VPS13C: variants seen among roughly 807,000 people sequenced by gnomAD.
The protein encoded by VPS13C is vacuolar protein sorting 13 homolog C.
In VPS13C, 358 loss-of-function variants were observed where a neutral mutation model predicts 456.8. The observed-to-expected ratio is 0.78, with a 90% confidence interval of 0.72 to 0.86. The LOEUF (loss-of-function observed/expected upper bound fraction) is 0.86. Ranked by LOEUF, VPS13C falls within the 40% of genes least tolerant of loss-of-function variation. The pLI, the probability that VPS13C is intolerant of heterozygous loss-of-function variation, is 0.00. For synonymous variants in VPS13C, 1,578 were observed against 1,486.7 expected (o/e 1.06, Z -1.41); for missense variants, 4,818 against 4,385.4 (o/e 1.10, Z -2.79).
At chr15:61,905,171 C>T (rs1213508920) in intron 66 of VPS13C, among the ~76,000 whole-genome samples, 2 of 152,068 alleles carry the variant, frequency 1.3e-5, no homozygotes, top group African/African-American at 2.4e-5. Flanking sequence ...TCAGGTGATA[C>T]GCCAATTACT....
chr15:61,861,110 C>T lies in VPS13C; in HGVS notation c.10952+2330G>A, dbSNP rs8030588. Among the ~76,000 whole-genome samples, 888 of 151,728 alleles carry T rather than the reference C, an allele frequency of 5.9e-3. 7 individuals carry two copies. Among genetic ancestry groups the T allele is most frequent in the African/African-American group, 0.02 (847 of 41,404 alleles). On this transcript the variant is annotated intron_variant, in intron 82 of 84. Transcript: ENST00000644861. ...CCGAATAGCTGGGATTACAGGCATG[C>T]GCCACAAAGTCCAGCTAATTTTTTG...
chr15:62,059,300 G>C (rs1470392454), intron 1 of VPS13C, among the ~76,000 whole-genome samples: 1 of 152,090 alleles, frequency 6.6e-6, no homozygotes, highest in African/African-American at 2.4e-5. Flanking sequence ...TAGTGGACAG[G>C]GGAAGTCTAT....
In VPS13C at chr15:62,051,390, T is replaced by C. The variant is rs563185434; in HGVS notation, c.101-7135A>G. On this transcript the variant is annotated intron_variant, in intron 1 of 84. Coordinates refer to ENST00000644861, the MANE Select transcript of VPS13C (RefSeq NM_020821.3). ...CACAGCCTCCTGGGCAAGAAACAGG[T>C]TGTATACATTAAGCAATAGAAGCTG... Among the ~76,000 whole-genome samples, 5 of 152,262 alleles carry C rather than the reference T, an allele frequency of 3.3e-5. No homozygotes were observed. In the East Asian group the frequency reaches 9.6e-4, roughly 29 times the overall value.
chr15:62,018,989 T>C (rs2047360247), intron 9 of VPS13C, among the ~76,000 whole-genome samples: 2 of 152,192 alleles, frequency 1.3e-5, no homozygotes, highest in Non-Finnish European at 2.9e-5. Context: ...TATTCAGAGA[T>C]TCAACTTCTT....
intron 8 of VPS13C, among the ~76,000 whole-genome samples, chr15:62,020,811 C>A (rs1234707006): frequency 1.3e-5 from 2 of 151,966 alleles, no homozygotes; most frequent in Non-Finnish European, 1.5e-5. Context: ...CAAGACTTCT[C>A]TCTAGACAGT....
chr15:61,992,569 G>A (rs2046256931), intron 16 of VPS13C, among the ~76,000 whole-genome samples: 1 of 152,140 alleles, frequency 6.6e-6, no homozygotes, highest in Non-Finnish European at 1.5e-5. Context: ...AAAGTAAAGA[G>A]TTGAATTCTA....
Position 61,929,640 on chromosome 15 carries a change from A to G in VPS13C, c.6147T>C (p.Tyr2049=). 6.2e-7 allele frequency: 1 copy of G among 1,614,158 alleles called. No homozygotes were observed. The highest frequency in any genetic ancestry group is 8.5e-7 in the Non-Finnish European group (1 of 1,180,014). ...SQIDAVLDKL[Y]VCASVEFLMT... ...TCAGAAATTCCACACTGGCACATAC[A>G]TACAGCTTGTCAAGAACAGCATCAA... The change falls in exon 51 of 85, where the codon TAT becomes TAC. Residue 2049 remains tyrosine (Y), a synonymous_variant. Coordinates refer to ENST00000644861, the MANE Select transcript of VPS13C (RefSeq NM_020821.3).
intron 16 of VPS13C, among the ~76,000 whole-genome samples, chr15:61,996,998 CAT>C (rs35381809): frequency 5.6e-4 from 82 of 145,530 alleles, no homozygotes; most frequent in Middle Eastern, 3.5e-3. Context: ...TACATACATA[CAT>C]ATATATATAT....
At chr15:62,055,043 A>G (rs944217459) in intron 1 of VPS13C, among the ~76,000 whole-genome samples, 1 of 152,242 alleles carries the variant, frequency 6.6e-6, no homozygotes, top group Non-Finnish European at 1.5e-5. Flanking sequence ...AAGGATTTTT[A>G]AAAGGAAATT....
At chr15:62,028,535 G>A in intron 5 of VPS13C, 115 bp from the exon 6 acceptor site, 1 of 1,034,376 alleles carries the variant, frequency 9.7e-7, no homozygotes, top group Non-Finnish European at 1.4e-6. Context: ...CATGTAACAG[G>A]GTAATTAAAA....
At chr15:61,892,431 C>T (rs559703506) in intron 66 of VPS13C, among the ~76,000 whole-genome samples, 1 of 152,228 alleles carries the variant, frequency 6.6e-6, no homozygotes, top group Non-Finnish European at 1.5e-5. Context: ...AGCAATTATA[C>T]CACCATCTAG....
chr15:61,932,732 C>T (rs1052713548), intron 49 of VPS13C, among the ~76,000 whole-genome samples: 3 of 152,174 alleles, frequency 2.0e-5, no homozygotes, highest in African/African-American at 7.2e-5. Context: ...TACTGGCAAG[C>T]TTTGAATGCT....
chr15:61,927,427 G>T, intron 51 of VPS13C, 107 bp from the exon 52 acceptor site: 1 of 806,544 alleles, frequency 1.2e-6, no homozygotes, highest in Non-Finnish European at 2.0e-6. Flanking sequence ...TTCTATAACA[G>T]ATATGGTGAA....
chr15:61,893,092 T>G (rs531254023), intron 66 of VPS13C, among the ~76,000 whole-genome samples: 3 of 152,176 alleles, frequency 2.0e-5, no homozygotes, highest in South Asian at 4.2e-4. Context: ...GAAAATACTT[T>G]CCCTATTGGA....
intron 6 of VPS13C, among the ~76,000 whole-genome samples, chr15:62,024,384 T>G (rs185999726): frequency 2.0e-5 from 3 of 152,084 alleles, no homozygotes; most frequent in African/African-American, 7.2e-5. Flanking sequence ...TACATTGGAC[T>G]GTACACTGAA....
chr15:61,963,004 T>C (rs1236092063), intron 32 of VPS13C, 152 bp from the exon 33 acceptor site: 1 of 516,326 alleles, frequency 1.9e-6, no homozygotes, highest in African/African-American at 1.9e-5. Context: ...TTAGAGTTTT[T>C]TGGTTTTATA....
At chr15:62,055,049 A>G (rs953930607) in intron 1 of VPS13C, among the ~76,000 whole-genome samples, 4 of 152,232 alleles carry the variant, frequency 2.6e-5, no homozygotes, top group African/African-American at 9.7e-5. Context: ...TTTTAAAAGG[A>G]AATTCTGCTT....
At chr15:61,875,436 A>G (rs893480695) in intron 76 of VPS13C, among the ~76,000 whole-genome samples, 1 of 152,004 alleles carries the variant, frequency 6.6e-6, no homozygotes, top group Non-Finnish European at 1.5e-5. Context: ...TCAGTGCCCT[A>G]TTAGTCCCTT....
chr15:62,007,565 T>G lies in VPS13C; in HGVS notation c.1119-86A>C, dbSNP rs191134804. The G allele has an allele frequency of 3.8e-3, 4,630 of 1,217,866 alleles. 14 individuals carry two copies. Among genetic ancestry groups the G allele is most frequent in the Non-Finnish European group, 4.1e-3 (3,852 of 930,722 alleles). The allele number at this position is 1,217,866 out of a possible 1,614,324, so 75.4% of individuals were successfully genotyped here. On this transcript the variant is annotated intron_variant, in intron 14 of 84. Coordinates refer to ENST00000644861, the MANE Select transcript of VPS13C (RefSeq NM_020821.3). ...AGTCTTGACATTTTAGATCTTATGC[T>G]GTCAAATTTTTTGTTCTTCTTAACT... is the stretch of plus-strand genomic sequence containing the variant.
Sources: allele counts gnomAD v4.1 joint callset (sites outside exome capture counted in the v4.1 genomes callset), GRCh38; gene constraint gnomAD v4.1.1; transcripts MANE v1.5; gene names NCBI Gene and HGNC (gene_info 2026-07-23, HGNC 2026-07-21).